The following FAM169A variants were observed in gnomAD, a reference collection of about 807,000 sequenced individuals.
The protein encoded by FAM169A is soluble lamin-associated protein of 75 kDa.
Under a neutral mutation model 75.7 loss-of-function variants are expected in FAM169A, and 24 were observed. The ratio of observed to expected loss-of-function variants is 0.32; its 90% CI spans 0.23 to 0.45. The LOEUF (loss-of-function observed/expected upper bound fraction) is 0.45, where lower values mean the gene tolerates loss of function less well. Ranked by LOEUF, FAM169A falls within the 20% of genes least tolerant of loss-of-function variation. FAM169A has a pLI of 1.00. For synonymous variants in FAM169A, 271 were observed against 271.0 expected, an observed-to-expected ratio of 1.00 and a Z score of 0.00; for missense variants, 673 against 784.0, an observed-to-expected ratio of 0.86 and a Z score of 1.69.
intron 1 of FAM169A, among the ~76,000 whole-genome samples, chr5:74,847,352 T>C (rs1749209900): frequency 6.6e-6 from 1 of 151,890 alleles, no homozygotes; most frequent in African/African-American, 2.4e-5. Flanking sequence ...AATTGGACTA[T>C]TCTAGGAACA....
At chr5:74,866,668 T>G, upstream of FAM169A, 1 of 877,042 alleles carries the variant, frequency 1.1e-6, no homozygotes, top group Middle Eastern at 5.9e-4. Flanking sequence ...TATTAAAGAG[T>G]GACCTTGGCT....
chr5:74,860,573 C>A (rs1411535891), intron 1 of FAM169A, among the ~76,000 whole-genome samples: 1 of 152,096 alleles, frequency 6.6e-6, no homozygotes, highest in Non-Finnish European at 1.5e-5. Flanking sequence ...TTCCTTGACA[C>A]TCAGGACAAT....
At chr5:74,816,368 T>A (rs953701558) in intron 5 of FAM169A, among the ~76,000 whole-genome samples, 1 of 152,206 alleles carries the variant, frequency 6.6e-6, no homozygotes, top group Non-Finnish European at 1.5e-5. Flanking sequence ...AAGTTTCTCA[T>A]AAATTGATTT....
intron 1 of FAM169A, among the ~76,000 whole-genome samples, chr5:74,862,764 G>A (rs370180225): frequency 2.0e-5 from 3 of 152,214 alleles, no homozygotes; most frequent in Admixed American, 6.5e-5. Flanking sequence ...GCAACTTGGC[G>A]CTTTTTTAAA....
chr5:74,850,567 T>C (rs1240619323), intron 1 of FAM169A, among the ~76,000 whole-genome samples: 2 of 152,204 alleles, frequency 1.3e-5, no homozygotes, highest in African/African-American at 4.8e-5. Context: ...GAGTGTATTC[T>C]TGAGCCAAAC....
intron 11 of FAM169A, among the ~76,000 whole-genome samples, chr5:74,793,465 C>G (rs1746084642): frequency 6.6e-6 from 1 of 152,038 alleles, no homozygotes; most frequent in Non-Finnish European, 1.5e-5. Flanking sequence ...GAATGGAAAA[C>G]CAAACATCGT....
chr5:74,826,002 G>T (rs970636597), intron 5 of FAM169A, among the ~76,000 whole-genome samples: 12 of 151,984 alleles, frequency 7.9e-5, no homozygotes, highest in African/African-American at 2.7e-4. Context: ...CCTCCAATTT[G>T]TTCTCTCCTC....
intron 5 of FAM169A, among the ~76,000 whole-genome samples, chr5:74,831,665 T>C (rs754753581): frequency 4.6e-5 from 7 of 152,172 alleles, no homozygotes; most frequent in African/African-American, 7.2e-5. Context: ...TTTTGGAGCA[T>C]TTTGGATTTC....
At chr5:74,785,192 G>A (rs935885162) in intron 11 of FAM169A, among the ~76,000 whole-genome samples, 9 of 152,054 alleles carry the variant, frequency 5.9e-5, no homozygotes, top group East Asian at 2.0e-4. Flanking sequence ...GGTGGCAGGC[G>A]CCTGTAATCC....
Position 74,784,466 on chromosome 5 carries a change from T to C in FAM169A, c.1261-1332A>G, listed in dbSNP as rs1466601801. ...AGGTAGCAGTGAGCCAGAGAGATCA[T>C]GCCACTGCAGTCCAGCCAAGGGAGA... On this transcript the variant is annotated intron_variant, in intron 11 of 12. Transcript: ENST00000687041. Among the ~76,000 whole-genome samples, 3 of 121,022 alleles carry C rather than the reference T, an allele frequency of 2.5e-5. No homozygotes were observed. The South Asian group carries it at 7.8e-4, about 31-fold the overall frequency. The allele number at this position is 121,022 out of a possible 152,430, so 79.4% of individuals were successfully genotyped here. A position where few individuals can be genotyped will look rare whatever the true frequency, so the allele number is the denominator to read the frequency against.
At chr5:74,811,097 A>T (rs1214140949) in intron 6 of FAM169A, among the ~76,000 whole-genome samples, 1 of 150,288 alleles carries the variant, frequency 6.7e-6, no homozygotes, top group Non-Finnish European at 1.5e-5. Context: ...AAATCTGGTG[A>T]CTCAGCCTTC....
chr5:74,842,489 A>G (rs902399923), intron 1 of FAM169A, among the ~76,000 whole-genome samples: 5 of 143,880 alleles, frequency 3.5e-5, no homozygotes, highest in African/African-American at 1.3e-4. Flanking sequence ...ATAGATGAAT[A>G]TTATGGTATA....
intron 10 of FAM169A, chr5:74,799,516 G>C: frequency 6.3e-7 from 1 of 1,576,300 alleles, no homozygotes; most frequent in Non-Finnish European, 8.7e-7. Flanking sequence ...CTACATTAAA[G>C]AAGTGGATGA....
chr5:74,803,584 G>A (rs1393100223), intron 8 of FAM169A, among the ~76,000 whole-genome samples: 2 of 151,918 alleles, frequency 1.3e-5, no homozygotes, highest in East Asian at 3.9e-4. Flanking sequence ...AATAAACTTA[G>A]ATACACACAT....
At chr5:74,822,253 G>C (rs1747801184) in intron 5 of FAM169A, among the ~76,000 whole-genome samples, 3 of 152,148 alleles carry the variant, frequency 2.0e-5, no homozygotes, top group African/African-American at 7.2e-5. Flanking sequence ...GTATAGATGA[G>C]GAAAAGGAAT....
At chr5:74,864,189 A>G (rs547053186) in intron 1 of FAM169A, among the ~76,000 whole-genome samples, 3 of 152,332 alleles carry the variant, frequency 2.0e-5, no homozygotes, top group East Asian at 3.9e-4. Context: ...ACTTTACCTC[A>G]AAAGCACTTA....
At chr5:74,831,600 A>G (rs1473941595) in intron 5 of FAM169A, among the ~76,000 whole-genome samples, 3 of 152,154 alleles carry the variant, frequency 2.0e-5, no homozygotes, top group African/African-American at 7.2e-5. Flanking sequence ...AAAATCTGAA[A>G]TGCCCCAACA....
chr5:74,795,364 GA>G (rs2112504868), intron 11 of FAM169A, among the ~76,000 whole-genome samples: 1 of 152,216 alleles, frequency 6.6e-6, no homozygotes, highest in East Asian at 1.9e-4. Flanking sequence ...ATGAACATAT[GA>G]AAGAAGAAAT....
intron 11 of FAM169A, among the ~76,000 whole-genome samples, chr5:74,789,630 G>A (rs561482226): frequency 6.6e-6 from 1 of 152,368 alleles, no homozygotes; most frequent in East Asian, 1.9e-4. Flanking sequence ...GGTGCTTGAG[G>A]TGTCAGTGGC....
Sources: gnomAD v4.1 joint callset for allele counts (sites outside exome capture counted in the v4.1 genomes callset) on GRCh38, gnomAD v4.1.1 for gene constraint, MANE v1.5 for transcripts, NCBI Gene and HGNC (gene_info 2026-07-23, HGNC 2026-07-21) for gene names.